Variants in SCN9A observed in about 807,000 individuals in gnomAD.
SCN9A encodes sodium voltage-gated channel alpha subunit 9, also known as sodium channel protein type 9 subunit alpha.
SCN9A carries 131 observed loss-of-function variants against 187.0 expected under a neutral mutation model. The ratio of observed to expected loss-of-function variants is 0.70; its 90% confidence interval spans 0.61 to 0.81. The LOEUF is 0.81. Ranked by LOEUF, SCN9A falls within the 30% of genes least tolerant of loss-of-function variation. SCN9A has a pLI of 0.00. For synonymous variants in SCN9A, 809 were observed against 808.6 expected (o/e 1.00, Z -0.01); for missense variants, 2,252 against 2,396.6 (o/e 0.94, Z 1.26).
chr2:166,340,099 GA>G (rs1559050421), intron 1 of SCN9A, among the ~76,000 whole-genome samples: 1 of 152,000 alleles, frequency 6.6e-6, no homozygotes, highest in Admixed American at 6.6e-5. Flanking sequence ...AAAGAAAAGA[GA>G]AAACAAATGG....
intron 18 of SCN9A, among the ~76,000 whole-genome samples, chr2:166,247,035 T>A (rs759528163): frequency 2.2e-4 from 34 of 151,420 alleles, no homozygotes; most frequent in Non-Finnish European, 4.3e-4. Context: ...AGAGAATCTC[T>A]CAAACATTTT....
At chr2:166,258,515 A>G (rs1010363367) in intron 17 of SCN9A, among the ~76,000 whole-genome samples, 6 of 151,698 alleles carry the variant, frequency 4.0e-5, no homozygotes, top group East Asian at 1.9e-4. Context: ...TATAGGAGCA[A>G]ATAAAATCAA....
At chr2:166,218,957 AT>A (rs1212927134) in intron 24 of SCN9A, among the ~76,000 whole-genome samples, 2 of 152,242 alleles carry the variant, frequency 1.3e-5, no homozygotes, top group African/African-American at 4.8e-5. Flanking sequence ...AAACAAGCAT[AT>A]GAAAAAAAGC....
chr2:166,217,287 CATTT>C (rs1295466636), intron 24 of SCN9A, among the ~76,000 whole-genome samples: 5 of 151,946 alleles, frequency 3.3e-5, no homozygotes, highest in African/African-American at 1.2e-4. Context: ...AGCTGTATGA[CATTT>C]ATCTGGGCAA....
intron 7 of SCN9A, chr2:166,302,878 C>G: frequency 9.3e-6 from 4 of 428,210 alleles, no homozygotes; most frequent in Non-Finnish European, 1.6e-5. Context: ...TGGAACTATC[C>G]TGTGTTCCTT....
At position 166,307,079 on chromosome 2, in the gene SCN9A, A is replaced by T; in HGVS notation, c.259-5T>A. On this transcript the variant is annotated splice_polypyrimidine_tract_variant and splice_region_variant and intron_variant, in intron 2 of 26. Transcript: ENST00000642356. Reference sequence around the variant, plus strand: ...TTTGTTCAATACTATGAAAGTCTGCAGGAGGAAAAAGAAAGGATGAAATTG... The same window carrying T: ...TTTGTTCAATACTATGAAAGTCTGCTGGAGGAAAAAGAAAGGATGAAATTG... 6.7e-7 allele frequency: 1 copy of T among 1,490,318 alleles called. No homozygotes were observed. The highest frequency in any genetic ancestry group is 9.3e-7 in the Non-Finnish European group (1 of 1,071,770). The allele number at this position is 1,490,318 out of a possible 1,614,324, so 92.3% of individuals were successfully genotyped here.
chr2:166,315,087 T>A (rs1365855404), intron 1 of SCN9A, among the ~76,000 whole-genome samples: 1 of 152,140 alleles, frequency 6.6e-6, no homozygotes, highest in African/African-American at 2.4e-5. Context: ...AATCAATGAA[T>A]CAAATCAAAG....
At chr2:166,360,232 AAAAG>A (rs1486648450) in intron 1 of SCN9A, among the ~76,000 whole-genome samples, 5,763 of 92,566 alleles carry the variant, frequency 0.062, 858 homozygotes, top group African/African-American at 0.28. Flanking sequence ...AAAAAAAAAA[AAAAG>A]AAAAAAAAAA....
chr2:166,244,412 G>C (rs1396561945), intron 18 of SCN9A, among the ~76,000 whole-genome samples: 1 of 151,950 alleles, frequency 6.6e-6, no homozygotes, highest in Non-Finnish European at 1.5e-5. Flanking sequence ...AGAAATTCCT[G>C]CTTGTCTGTT....
At chr2:166,336,168 A>G (rs1368231374) in intron 1 of SCN9A, among the ~76,000 whole-genome samples, 1 of 152,126 alleles carries the variant, frequency 6.6e-6, no homozygotes, top group East Asian at 1.9e-4. Context: ...TCCCTTAGCC[A>G]AACCTGCTAG....
chr2:166,311,642 TTTC>T lies in SCN9A; in HGVS notation c.112_114del (p.Glu38del), dbSNP rs962551370. The T allele has an allele frequency of 6.2e-7, 1 of 1,613,316 alleles. No individual in the cohort carries two copies. Among genetic ancestry groups the T allele is most frequent in the African/African-American group, 1.3e-5 (1 of 74,758 alleles). On this transcript the variant is annotated inframe_deletion, in exon 2 of 27. Transcript: ENST00000642356. ...GGGGCTTCTTCATCATCATCTTTCT[TTTC>T]TTCTTTGGGTTCCTTTGATTTTCTT...
intron 9 of SCN9A, among the ~76,000 whole-genome samples, chr2:166,289,937 T>C (rs894073335): frequency 6.6e-6 from 1 of 152,176 alleles, no homozygotes; most frequent in Admixed American, 6.5e-5. Flanking sequence ...ATGGGATACA[T>C]GTGAAGAACA....
intron 19 of SCN9A, among the ~76,000 whole-genome samples, chr2:166,241,909 G>A (rs1458892674): frequency 2.6e-5 from 4 of 152,100 alleles, no homozygotes; most frequent in Non-Finnish European, 4.4e-5. Context: ...CAAGAAGGCA[G>A]GGGGAAAAGC....
chr2:166,305,766 C>T (rs778602129), intron 5 of SCN9A, 26 bp downstream of exon 5: 7 of 1,612,712 alleles, frequency 4.3e-6, no homozygotes, highest in African/African-American at 1.3e-5. Context: ...ATAAATTTGC[C>T]GTTTCAAAAA....
chr2:166,211,143 A>G (rs1313925225), intron 24 of SCN9A, among the ~76,000 whole-genome samples: 2 of 152,294 alleles, frequency 1.3e-5, no homozygotes, highest in East Asian at 1.9e-4. Context: ...GAAAGCAGCA[A>G]GAAAAAAACT....
At position 166,238,092 on chromosome 2, in the gene SCN9A, A is replaced by G; in HGVS notation, c.3801+2T>C. ...TTTTAAAATGTACTCAAAAGTACCT[A>G]CATCAACAATTAGGAAATCCAGCCA... On this transcript the variant is annotated splice_donor_variant, in intron 20 of 26. Transcript: ENST00000642356. LOFTEE classifies it high-confidence loss of function. 6.2e-7 allele frequency: 1 copy of G among 1,606,654 alleles called. No homozygotes were observed. Among genetic ancestry groups the G allele is most frequent in the Non-Finnish European group, 8.5e-7 (1 of 1,175,220 alleles).
intron 16 of SCN9A, among the ~76,000 whole-genome samples, chr2:166,273,248 A>C (rs774519411): frequency 6.6e-6 from 1 of 152,156 alleles, no homozygotes; most frequent in Non-Finnish European, 1.5e-5. Context: ...CCTAGCATTC[A>C]TCTATCATTA....
Position 166,247,378 on chromosome 2 carries a change from A to G in SCN9A, c.3472+4387T>C, listed in dbSNP as rs866923332. 3.9e-5 allele frequency among the ~76,000 whole-genome samples: 6 copies of G among 152,236 alleles called. No individual in the cohort carries two copies. The South Asian group carries it at 1.0e-3, about 26-fold the overall frequency. On this transcript the variant is annotated intron_variant, in intron 18 of 26. Coordinates refer to ENST00000642356, the MANE Select transcript of SCN9A (RefSeq NM_001365536.1). ...CCAAAAGAAAGAAAAAATAAAAGTC[A>G]CAAAGGAGTTGGTTATTGTGTTACT...
intron 20 of SCN9A, among the ~76,000 whole-genome samples, chr2:166,237,244 G>A (rs1302543358): frequency 2.0e-5 from 3 of 151,408 alleles, no homozygotes; most frequent in South Asian, 4.2e-4. Context: ...ATAATAATGG[G>A]TATTGTACCG....
Sources: allele counts gnomAD v4.1 joint callset (sites outside exome capture counted in the v4.1 genomes callset), GRCh38; gene constraint gnomAD v4.1.1; transcripts MANE v1.5; gene names NCBI Gene and HGNC (gene_info 2026-07-23, HGNC 2026-07-21).